Variants in MYH4 observed in about 807,000 individuals in gnomAD.
MYH4 encodes myosin heavy chain 4.
MYH4 carries 200 observed loss-of-function variants against 229.9 expected under a neutral mutation model. The observed-to-expected ratio is 0.87, with a 90% CI of 0.78 to 0.98. The LOEUF (loss-of-function observed/expected upper bound fraction) is 0.98. Ranked by LOEUF, MYH4 falls within the 50% of genes least tolerant of loss-of-function variation. MYH4 has a pLI of 0.00. For synonymous variants in MYH4, 761 were observed against 834.6 expected (o/e 0.91, Z 1.52); for missense variants, 2,148 against 2,332.6 (o/e 0.92, Z 1.63).
intron 25 of MYH4, 123 bp downstream of exon 25, chr17:10,452,664 G>A (rs541548754): frequency 5.1e-5 from 66 of 1,297,230 alleles, no homozygotes; most frequent in Non-Finnish European, 6.7e-5. Context: ...AAATAAAAAG[G>A]TCAAAGATGT....
chr17:10,445,794 C>A (rs915196843), intron 35 of MYH4, among the ~76,000 whole-genome samples: 3 of 151,844 alleles, frequency 2.0e-5, no homozygotes, highest in Non-Finnish European at 4.4e-5. Flanking sequence ...TTTGGGAGGC[C>A]GAGGTGGGCA....
At chr17:10,469,176 C>G (rs1385015336) in intron 2 of MYH4, 112 bp downstream of exon 2, 2 of 152,104 alleles carry the variant, frequency 1.3e-5, no homozygotes, top group East Asian at 3.9e-4. Flanking sequence ...AGAACAGCTG[C>G]CCCGATATCC....
At position 10,465,486 on chromosome 17, in the gene MYH4, T is replaced by C. The variant is rs754941878; in HGVS notation, c.461A>G (p.His154Arg). ...RGKKRQEAPPHIFSISDNAYQ... is the reference protein window; with the variant it reads ...RGKKRQEAPPRIFSISDNAYQ... ...GGCATTGTCAGAGATGGAGAAGATA[T>C]GGGGTGGGGCCTCCTGGCGCTTTTT... Residue 154 changes from histidine to arginine, a missense_variant, in exon 5 of 40, where the codon CAT (histidine) becomes CGT (arginine). Coordinates refer to ENST00000255381, the MANE Select transcript of MYH4 (RefSeq NM_017533.2). 4 of 1,613,950 alleles carry C rather than the reference T, an allele frequency of 2.5e-6. No individual in the cohort carries two copies. Among genetic ancestry groups the C allele is most frequent in the Admixed American group, 1.7e-5 (1 of 59,996 alleles).
intron 4 of MYH4, among the ~76,000 whole-genome samples, 175 bp from the exon 5 acceptor site, chr17:10,465,773 T>TTC (rs2072758066): frequency 1.5e-5 from 2 of 137,650 alleles, no homozygotes; most frequent in Non-Finnish European, 3.1e-5. Flanking sequence ...AGTTTTTCTT[T>TTC]TTTTTTTTTT....
Position 10,445,305 on chromosome 17 carries a change from C to T in MYH4, c.5227G>A (p.Gly1743Arg), listed in dbSNP as rs1234887649. 3.1e-6 allele frequency: 5 copies of T among 1,614,006 alleles called. No homozygotes were observed. The highest frequency in any genetic ancestry group is 1.7e-5 in the Admixed American group (1 of 60,004). The change falls in exon 36 of 40, where the codon GGA (glycine) becomes AGA (arginine). Residue 1743 changes from glycine to arginine, a missense_variant. Physicochemically the swap from Gly to Arg is moderately radical, Grantham distance 125 (BLOSUM62 -2). Coordinates refer to ENST00000255381, the MANE Select transcript of MYH4 (RefSeq NM_017533.2). The stretch of plus-strand genomic sequence containing the variant: ...TCCTGGACGATGTCCTCCATCTCTC[C>T]CTGGATTTGGGAAATGTCTGTTTCC... ...KLETDISQIQ[G>R]EMEDIVQEAR...
At chr17:10,444,122 T>C (rs956224036) in intron 39 of MYH4, among the ~76,000 whole-genome samples, 9 of 152,246 alleles carry the variant, frequency 5.9e-5, no homozygotes, top group African/African-American at 2.2e-4. Context: ...TCAATCTTGT[T>C]TCTAAAAAAG....
chr17:10,445,518 C>T (rs186999154), intron 35 of MYH4, among the ~76,000 whole-genome samples, 156 bp from the exon 36 acceptor site: 1 of 152,070 alleles, frequency 6.6e-6, no homozygotes, highest in Non-Finnish European at 1.5e-5. Flanking sequence ...TGCCTTTTCT[C>T]CTTTCTATAT....
intron 19 of MYH4, 30 bp downstream of exon 19, chr17:10,455,584 A>T: frequency 6.2e-7 from 1 of 1,613,042 alleles, no homozygotes; most frequent in Non-Finnish European, 8.5e-7. Flanking sequence ...AGACTAAGAC[A>T]TTGGAAGGGA....
intron 35 of MYH4, among the ~76,000 whole-genome samples, chr17:10,446,027 C>CAAAAAAA (rs35896304): frequency 1.0e-4 from 7 of 68,560 alleles, no homozygotes; most frequent in Non-Finnish European, 1.3e-4. Context: ...GACCCCTTCT[C>CAAAAAAA]AAAAAAAAAA....
At position 10,443,995 on chromosome 17, in the gene MYH4, T is replaced by G. The variant is rs1328807941; in HGVS notation, c.5668-468A>C. ...GAGCAAGGCATCCCACAAACTCGCC[T>G]ATGTAAATGAATGTGCTTATGACCC... is the stretch of plus-strand genomic sequence containing the variant. On this transcript the variant is annotated intron_variant, in intron 39 of 39. Coordinates refer to ENST00000255381, the MANE Select transcript of MYH4 (RefSeq NM_017533.2). This position sits in a 1 kb window ranked among gnomAD's most constrained non-coding sequence, Gnocchi z 4.6. Among the ~76,000 whole-genome samples, 1 of 152,124 alleles carries G rather than the reference T, an allele frequency of 6.6e-6. No homozygotes were observed. The highest frequency in any genetic ancestry group is 1.5e-5 in the Non-Finnish European group (1 of 68,030).
chr17:10,461,995 A>T (rs1359189349), intron 11 of MYH4, among the ~76,000 whole-genome samples: 1 of 152,086 alleles, frequency 6.6e-6, no homozygotes, highest in Non-Finnish European at 1.5e-5. Context: ...GTGTTTCTTA[A>T]CTCCCTATCA....
intron 5 of MYH4, 127 bp from the exon 6 acceptor site, chr17:10,464,835 G>T: frequency 1.1e-6 from 1 of 890,820 alleles, no homozygotes; most frequent in Non-Finnish European, 1.7e-6. Context: ...ATGAATTTGT[G>T]CTTTGCTTCT....
At chr17:10,464,767 G>T (rs1479646650) in intron 5 of MYH4, 59 bp from the exon 6 acceptor site, 6 of 1,529,970 alleles carry the variant, frequency 3.9e-6, no homozygotes, top group Admixed American at 3.5e-5. Flanking sequence ...ATAGGTCAAC[G>T]CAGTACTTAT....
At chr17:10,448,238 A>G in intron 33 of MYH4, 112 bp from the exon 34 acceptor site, 1 of 1,293,274 alleles carries the variant, frequency 7.7e-7, no homozygotes, top group East Asian at 2.5e-5. Flanking sequence ...CATACGTCTT[A>G]ATGTAGCCTA....
intron 11 of MYH4, among the ~76,000 whole-genome samples, chr17:10,461,601 G>C (rs1330695557): frequency 2.0e-5 from 3 of 152,104 alleles, no homozygotes; most frequent in Non-Finnish European, 2.9e-5. Context: ...ATGCCTCTCT[G>C]ATAGCAAGCC....
Position 10,455,302 on chromosome 17 carries a change from G to T in MYH4, c.2175-7C>A. The T allele has an allele frequency of 6.2e-7, 1 of 1,602,112 alleles. No individual in the cohort carries two copies. Among genetic ancestry groups the T allele is most frequent in the Non-Finnish European group, 8.5e-7 (1 of 1,176,452 alleles). On this transcript the variant is annotated splice_polypyrimidine_tract_variant and splice_region_variant and intron_variant, in intron 19 of 39. Coordinates refer to ENST00000255381, the MANE Select transcript of MYH4 (RefSeq NM_017533.2). ...CGCATTTAGAACCTTGTATCTGTCA[G>T]AATAAAAAGAATATAAAAATGTGGT... is the stretch of plus-strand genomic sequence containing the variant.
At position 10,454,939 on chromosome 17, in the gene MYH4, ACCT is replaced by A. The variant is rs754543306; in HGVS notation, c.2434_2435+1del. Reference sequence around the variant, plus strand: ...CAGGAAGACTTGTGTGTGGGCTCTCACCTCCTCTCCATCATCTTTCTGAACTCC... The same window carrying A: ...CAGGAAGACTTGTGTGTGGGCTCTCACCTCTCCATCATCTTTCTGAACTCC... On this transcript the variant is annotated splice_donor_variant and coding_sequence_variant, in exon 21 of 40. Transcript: ENST00000255381. LOFTEE classifies it high-confidence loss of function. 6.2e-7 allele frequency: 1 copy of A among 1,613,946 alleles called. No homozygotes were observed. Among genetic ancestry groups the A allele is most frequent in the South Asian group, 1.1e-5 (1 of 91,070 alleles).
At position 10,466,619 on chromosome 17, in the gene MYH4, G is replaced by C; in HGVS notation, c.127C>G (p.Pro43Ala). Reference protein sequence around the residue: ...DAKTSVFVVDPKESYVKAIVQ... With the variant: ...DAKTSVFVVDAKESYVKAIVQ... ...ATTGCTTTCACGTAGGACTCCTTAG[G>C]GTCCACCACAAAGACTGATGTCTTG... Residue 43 changes from proline to alanine, a missense_variant, in exon 3 of 40, where the codon CCT becomes GCT. Coordinates refer to ENST00000255381, the MANE Select transcript of MYH4 (RefSeq NM_017533.2). 1 of 1,613,924 alleles carries C rather than the reference G, an allele frequency of 6.2e-7. No homozygotes were observed. The highest frequency in any genetic ancestry group is 8.5e-7 in the Non-Finnish European group (1 of 1,180,018).
Position 10,462,887 on chromosome 17 carries a change from T to C in MYH4, c.986A>G (p.Gln329Arg), listed in dbSNP as rs35984286. 59,671 of 1,613,812 alleles carry C rather than the reference T, an allele frequency of 0.037. 1,260 individuals carry two copies. The highest frequency in any genetic ancestry group is 0.045 in the Non-Finnish European group (52,508 of 1,179,764). Residue 329 changes from glutamine (Q) to arginine (R), a missense_variant, in exon 11 of 40, where the codon CAG becomes CGG. Transcript: ENST00000255381. The part of the protein sequence containing the change: ...GEITVPSIDD[Q>R]EELMATDSAV... ...TACATCTGTGGCCATCAGCTCTTCC[T>C]GGTCATCAATGCTGGGCACAGTAAT...
Sources: allele counts gnomAD v4.1 joint callset (sites outside exome capture counted in the v4.1 genomes callset), GRCh38; gene constraint gnomAD v4.1.1; non-coding constraint Gnocchi (gnomAD v3.1); transcripts MANE v1.5; gene names NCBI Gene and HGNC (gene_info 2026-07-23, HGNC 2026-07-21).